The following NTRK2 variants were observed in gnomAD, a reference collection of about 807,000 sequenced individuals.
NTRK2 encodes the protein BDNF/NT-3 growth factors receptor.
NTRK2 carries 13 observed loss-of-function variants against 94.5 expected under a neutral mutation model. The ratio of observed to expected loss-of-function variants is 0.14; its 90% CI spans 0.09 to 0.22. NTRK2 has a LOEUF of 0.22. Ranked by LOEUF, NTRK2 falls within the 10% of genes least tolerant of loss-of-function variation. The pLI is 1.00. For missense variants in NTRK2, 639 were observed against 1,071.2 expected (o/e 0.60, Z 5.63); for synonymous variants, 372 against 407.4 (o/e 0.91, Z 1.05).
chr9:84,827,313 G>A lies in NTRK2; in HGVS notation c.1397-33727G>A, dbSNP rs149098244. ...TAAACAGGGCAGCTGATACTCACTC[G>A]TTCATTCAACCATGCATTTAACCCT... On this transcript the variant is annotated intron_variant, in intron 12 of 18. Transcript: ENST00000277120. Among the ~76,000 whole-genome samples the A allele has an allele frequency of 2.4e-4, 36 of 152,296 alleles. No individual in the cohort carries two copies. The South Asian group carries it at 6.0e-3, about 25-fold the overall frequency.
At chr9:84,812,884 A>T (rs1310832081) in intron 12 of NTRK2, 9 of 1,034,172 alleles carry the variant, frequency 8.7e-6, no homozygotes, top group Non-Finnish European at 1.0e-5. Context: ...AGATCAGTTG[A>T]CATCTCCTAG....
At chr9:84,810,390 A>C in intron 12 of NTRK2, 1 of 748,316 alleles carries the variant, frequency 1.3e-6, no homozygotes, top group Non-Finnish European at 2.2e-6. Flanking sequence ...CTGTTATTAT[A>C]TATTGCTCTA....
chr9:84,789,053 G>C (rs986267465), intron 12 of NTRK2, among the ~76,000 whole-genome samples: 3 of 152,222 alleles, frequency 2.0e-5, no homozygotes, highest in Non-Finnish European at 2.9e-5. Flanking sequence ...TGGCCATTGA[G>C]AGGGTATTTC....
At chr9:84,809,040 G>A (rs2071441283) in intron 12 of NTRK2, among the ~76,000 whole-genome samples, 1 of 152,180 alleles carries the variant, frequency 6.6e-6, no homozygotes, top group Non-Finnish European at 1.5e-5. Flanking sequence ...AAAGATTCAT[G>A]CAAATTAAAC....
chr9:84,745,550 A>T (rs1416576605), intron 11 of NTRK2, among the ~76,000 whole-genome samples: 1 of 152,210 alleles, frequency 6.6e-6, no homozygotes, highest in East Asian at 1.9e-4. Flanking sequence ...TAGCACCTCA[A>T]ATACAAATAG....
chr9:84,905,708 G>T (rs1564451912), intron 14 of NTRK2, among the ~76,000 whole-genome samples: 1 of 152,146 alleles, frequency 6.6e-6, no homozygotes, highest in African/African-American at 2.4e-5. Flanking sequence ...GTACTTTGGG[G>T]TAATTAATCT....
At chr9:84,776,669 C>T (rs1040971902) in intron 12 of NTRK2, among the ~76,000 whole-genome samples, 2 of 152,172 alleles carry the variant, frequency 1.3e-5, no homozygotes, top group Admixed American at 6.5e-5. Flanking sequence ...ATTACTTTTA[C>T]ACAGCATGTG....
chr9:84,863,069 A>G (rs1252572711), intron 13 of NTRK2, among the ~76,000 whole-genome samples: 1 of 152,162 alleles, frequency 6.6e-6, no homozygotes, highest in Non-Finnish European at 1.5e-5. Flanking sequence ...GGGAGGGGCC[A>G]TTCCTCCAGG....
chr9:84,944,029 A>G (rs1178056996), intron 15 of NTRK2, among the ~76,000 whole-genome samples: 2 of 152,160 alleles, frequency 1.3e-5, no homozygotes, highest in South Asian at 4.1e-4. Context: ...CATTTGCCCC[A>G]TGAATAGTGG....
chr9:84,696,664 C>T (rs1458981964), intron 2 of NTRK2, among the ~76,000 whole-genome samples: 1 of 152,152 alleles, frequency 6.6e-6, no homozygotes, highest in East Asian at 1.9e-4. Context: ...CAAAGAGTAC[C>T]TCCCATTGCT....
intron 9 of NTRK2, among the ~76,000 whole-genome samples, chr9:84,734,110 A>G (rs2063085308): frequency 6.6e-6 from 1 of 152,134 alleles, no homozygotes; most frequent in Admixed American, 6.5e-5. Flanking sequence ...TGGAGTGTGA[A>G]GCGTGACTTT....
At chr9:84,791,199 C>A (rs1055652277) in intron 12 of NTRK2, among the ~76,000 whole-genome samples, 3 of 152,198 alleles carry the variant, frequency 2.0e-5, no homozygotes, top group Non-Finnish European at 2.9e-5. Context: ...GAAAGGGGGC[C>A]TGTCCTGTGA....
At chr9:84,787,519 T>C (rs1257289021) in intron 12 of NTRK2, among the ~76,000 whole-genome samples, 2 of 152,134 alleles carry the variant, frequency 1.3e-5, no homozygotes, top group Non-Finnish European at 2.9e-5. Flanking sequence ...TACCAGGTCA[T>C]GGCGAAATGC....
chr9:85,020,434 T>C (rs2117958748), intron 18 of NTRK2, 70 bp downstream of exon 18: 1 of 1,551,544 alleles, frequency 6.4e-7, no homozygotes, highest in Non-Finnish European at 8.9e-7. Context: ...GCTGGGGCCT[T>C]GTTTTGGGTT....
chr9:84,753,089 C>G (rs1049740087), intron 12 of NTRK2, among the ~76,000 whole-genome samples: 13 of 152,166 alleles, frequency 8.5e-5, no homozygotes. Context: ...GATGTTTCCT[C>G]TTTTCCCTTT....
At chr9:84,720,676 A>G (rs1327321875) in intron 6 of NTRK2, among the ~76,000 whole-genome samples, 4 of 152,206 alleles carry the variant, frequency 2.6e-5, no homozygotes, top group African/African-American at 9.6e-5. Context: ...GAAAGAGAGG[A>G]AAAAAATGCG....
At chr9:84,882,719 T>TGTGTGCGTGCGCGCGCGC (rs761042296) in intron 14 of NTRK2, among the ~76,000 whole-genome samples, 2 of 145,742 alleles carry the variant, frequency 1.4e-5, no homozygotes, top group Admixed American at 6.8e-5. Flanking sequence ...TGTGTGTGTG[T>TGTGTGCGTGCGCGCGCGC]GCGCGCGCGC....
chr9:84,671,072 A>G (rs2058671137), intron 2 of NTRK2, 112 bp downstream of exon 2: 1 of 1,028,980 alleles, frequency 9.7e-7, no homozygotes. Context: ...GAAGTCAAAG[A>G]CAAGGGATGC....
At chr9:84,708,923 G>A (rs76083306) in intron 5 of NTRK2, among the ~76,000 whole-genome samples, 8,134 of 152,330 alleles carry the variant, frequency 0.053, 315 homozygotes, top group Non-Finnish European at 0.076. Flanking sequence ...AGATACATGA[G>A]ATAGGGTAAA....
Sources: gnomAD v4.1 joint callset for allele counts (sites outside exome capture counted in the v4.1 genomes callset) on GRCh38, gnomAD v4.1.1 for gene constraint, MANE v1.5 for transcripts, NCBI Gene and HGNC (gene_info 2026-07-23, HGNC 2026-07-21) for gene names.